Variants in TRPM3 observed in about 807,000 individuals in gnomAD.
The protein encoded by TRPM3 is long transient receptor potential channel 3.
In TRPM3, 77 loss-of-function variants were observed where a neutral mutation model predicts 181.2. The ratio of observed to expected loss-of-function variants is 0.42; its 90% CI spans 0.35 to 0.51. TRPM3 has a LOEUF of 0.51. TRPM3 is among the 20% of genes least tolerant of loss of function. The pLI is 0.01. For missense variants in TRPM3, 1,759 were observed against 2,196.7 expected, an observed-to-expected ratio of 0.80 and a Z score of 3.98; for synonymous variants, 745 against 796.4, an observed-to-expected ratio of 0.94 and a Z score of 1.09.
intron 1 of TRPM3, among the ~76,000 whole-genome samples, chr9:71,065,815 G>A (rs2061846453): frequency 6.6e-6 from 1 of 152,146 alleles, no homozygotes; most frequent in South Asian, 2.1e-4. Flanking sequence ...TTTCTTATCA[G>A]CTTTCTAAGT....
intron 1 of TRPM3, among the ~76,000 whole-genome samples, chr9:71,239,470 A>G (rs2081541652): frequency 6.6e-6 from 1 of 152,160 alleles, no homozygotes; most frequent in Non-Finnish European, 1.5e-5. Context: ...GCCTGCTCCA[A>G]GTAATACACA....
In TRPM3 at chr9:71,425,671, T is replaced by C. The variant is rs900487824; in HGVS notation, c.183+20982A>G. ...TCCAACTCTTCCCCTCACAACGCAT[T>C]TGCAGAGACTTTAGCAATATTCATC... On this transcript the variant is annotated intron_variant, in intron 1 of 24. Transcript: ENST00000357533. Among the ~76,000 whole-genome samples the C allele has an allele frequency of 7.2e-5, 11 of 152,288 alleles. No individual in the cohort carries two copies. The East Asian group carries it at 7.7e-4, about 11-fold the overall frequency.
At chr9:71,159,346 CA>C (rs1474787426) in intron 1 of TRPM3, among the ~76,000 whole-genome samples, 1 of 152,028 alleles carries the variant, frequency 6.6e-6, no homozygotes, top group Non-Finnish European at 1.5e-5. Context: ...CAGGCACTAA[CA>C]AACATATGCT....
At chr9:70,980,370 AAGAGAG>A (rs150201490) in intron 1 of TRPM3, among the ~76,000 whole-genome samples, 3 of 148,274 alleles carry the variant, frequency 2.0e-5, no homozygotes, top group Non-Finnish European at 3.0e-5. Flanking sequence ...AGAAGGGGGA[AAGAGAG>A]AGAGAGAGAG....
chr9:70,598,005 C>CT (rs1249756107), intron 21 of TRPM3, among the ~76,000 whole-genome samples: 2 of 152,150 alleles, frequency 1.3e-5, no homozygotes, highest in South Asian at 2.1e-4. Flanking sequence ...CCTCTGTGTG[C>CT]TTTTTCTGAC....
chr9:70,670,781 T>C (rs1307862092), intron 9 of TRPM3, among the ~76,000 whole-genome samples: 1 of 151,970 alleles, frequency 6.6e-6, no homozygotes, highest in African/African-American at 2.4e-5. Context: ...GAAGGCAGAG[T>C]AGAGTGTCCG....
At chr9:71,009,933 T>G (rs2134351489) in intron 1 of TRPM3, among the ~76,000 whole-genome samples, 1 of 152,276 alleles carries the variant, frequency 6.6e-6, no homozygotes, top group Non-Finnish European at 1.5e-5. Flanking sequence ...TTCATGCATT[T>G]AAAGCCAACT....
chr9:71,351,999 CCG>C (rs2091664317), intron 1 of TRPM3, among the ~76,000 whole-genome samples: 1 of 151,664 alleles, frequency 6.6e-6, no homozygotes, highest in Admixed American at 6.6e-5. Flanking sequence ...CCTCAGCCTC[CCG>C]AGTAGCTGGG....
Position 70,863,014 on chromosome 9 carries a change from T to A in TRPM3, c.356A>T (p.Asp119Val). Reference sequence around the variant, plus strand: ...GATGGACCACTTTTCAGACTGGATGTCATTTCGGGAGAGGCGACTTTCATT... The same window carrying A: ...GATGGACCACTTTTCAGACTGGATGACATTTCGGGAGAGGCGACTTTCATT... ...EKNESRLSRN[D>V]IQSEKWSISK... Residue 119 changes from aspartate to valine, a missense_variant, in exon 3 of 26, where the codon GAC (aspartate) becomes GTC (valine). By Grantham distance (152) the Asp-to-Val change is radical (BLOSUM62 -3). Around this residue, in one of 8 missense-constraint regions of TRPM3, gnomAD observed 737 missense variants for 957.4 expected, o/e 0.77. Coordinates refer to ENST00000677713, the MANE Select transcript of TRPM3 (RefSeq NM_001366145.2). The A allele has an allele frequency of 6.2e-7, 1 of 1,613,672 alleles. No homozygotes were observed. The highest frequency in any genetic ancestry group is 8.5e-7 in the Non-Finnish European group (1 of 1,179,730).
At chr9:71,279,230 G>C (rs1028130931) in intron 1 of TRPM3, among the ~76,000 whole-genome samples, 1 of 152,108 alleles carries the variant, frequency 6.6e-6, no homozygotes, top group Non-Finnish European at 1.5e-5. Flanking sequence ...CACAGACAGA[G>C]GAGGGCAACC....
rs376645182 is a variant in TRPM3, at chr9:70,611,473, A to T, written c.2527-724T>A. ...CTGTCACTCTCTCTCTCCTGCCACC[A>T]TATAAGACATGCCTTGCTTCCCCTT... On this transcript the variant is annotated intron_variant, in intron 18 of 25. Transcript: ENST00000677713. Among the ~76,000 whole-genome samples the T allele has an allele frequency of 6.4e-4, 98 of 152,280 alleles. 2 individuals are homozygous for T. In the South Asian group the frequency reaches 0.019, roughly 29 times the overall value.
chr9:70,783,038 C>T (rs976663237), intron 7 of TRPM3, among the ~76,000 whole-genome samples: 8 of 152,114 alleles, frequency 5.3e-5, no homozygotes, highest in African/African-American at 1.2e-4. Flanking sequence ...GGGATGGGTA[C>T]GAGAGGGATG....
At chr9:71,065,392 T>C (rs115670831) in intron 1 of TRPM3, among the ~76,000 whole-genome samples, 2,082 of 152,290 alleles carry the variant, frequency 0.014, 39 homozygotes, top group African/African-American at 0.048. Context: ...TTATTCCTTC[T>C]TAAATACCAC....
chr9:71,306,789 G>A (rs1013995508), intron 1 of TRPM3, among the ~76,000 whole-genome samples: 9 of 152,214 alleles, frequency 5.9e-5, no homozygotes, highest in African/African-American at 9.6e-5. Flanking sequence ...CAGGAGAATC[G>A]CTTGAACCTG....
chr9:70,917,877 C>T (rs1040509359), intron 1 of TRPM3, among the ~76,000 whole-genome samples: 17 of 151,686 alleles, frequency 1.1e-4, no homozygotes, highest in Non-Finnish European at 1.8e-4. Context: ...AAAACAAGAT[C>T]GAATGATCTG....
intron 7 of TRPM3, among the ~76,000 whole-genome samples, chr9:70,763,500 TA>T (rs907227334): frequency 2.6e-5 from 4 of 151,986 alleles, no homozygotes; most frequent in African/African-American, 7.2e-5. Context: ...AGAACCTGTC[TA>T]AAAAAAATTT....
chr9:70,645,425 C>T (rs1331440818), intron 9 of TRPM3, among the ~76,000 whole-genome samples: 1 of 152,162 alleles, frequency 6.6e-6, no homozygotes, highest in Non-Finnish European at 1.5e-5. Context: ...ACCATCTGAT[C>T]TTTGACAAAC....
chr9:71,058,638 G>A (rs563905507), intron 1 of TRPM3, among the ~76,000 whole-genome samples: 9 of 152,110 alleles, frequency 5.9e-5, no homozygotes, highest in Middle Eastern at 3.4e-3. Flanking sequence ...CTTTTAGGCT[G>A]TAAATAACCT....
intron 1 of TRPM3, among the ~76,000 whole-genome samples, chr9:71,385,588 A>G (rs527867076): frequency 6.6e-6 from 1 of 152,324 alleles, no homozygotes; most frequent in South Asian, 2.1e-4. Flanking sequence ...AGACCACAAC[A>G]CTCATTCAAA....
Sources: allele counts gnomAD v4.1 joint callset (sites outside exome capture counted in the v4.1 genomes callset), GRCh38; gene constraint gnomAD v4.1.1; regional missense constraint gnomAD v4.1.1; transcripts MANE v1.5; gene names NCBI Gene and HGNC (gene_info 2026-07-23, HGNC 2026-07-21).